CLIC5: variants seen among roughly 807,000 people sequenced by gnomAD.
CLIC5 encodes the protein CLIC family member 5, also known as chloride intracellular channel protein 5.
CLIC5 carries 20 observed loss-of-function variants against 24.7 expected under a neutral mutation model. The observed-to-expected ratio is 0.81, with a 90% confidence interval of 0.57 to 1.18. CLIC5 has a LOEUF of 1.18. Among genes scored for constraint, CLIC5 ranks in the 50% most tolerant of loss-of-function variants. The pLI, the probability that CLIC5 is intolerant of heterozygous loss-of-function variation, is 0.00. For synonymous variants in CLIC5, 159 were observed against 135.6 expected, an observed-to-expected ratio of 1.17 and a Z score of -1.20; for missense variants, 341 against 326.1, an observed-to-expected ratio of 1.05 and a Z score of -0.35.
chr6:46,001,169 A>C (rs549383667), intron 1 of CLIC5, among the ~76,000 whole-genome samples: 1 of 152,116 alleles, frequency 6.6e-6, no homozygotes, highest in East Asian at 1.9e-4. Context: ...TGGGAGAGGA[A>C]CCAGAAGAGA....
At chr6:45,914,756 C>G (rs1240463914) in intron 4 of CLIC5, among the ~76,000 whole-genome samples, 2 of 151,712 alleles carry the variant, frequency 1.3e-5, no homozygotes, top group Non-Finnish European at 2.9e-5. Flanking sequence ...ATCGAAACCA[C>G]CCTAGCCAAT....
At chr6:46,038,088 C>T (rs1300386237) in intron 1 of CLIC5, among the ~76,000 whole-genome samples, 2 of 152,060 alleles carry the variant, frequency 1.3e-5, no homozygotes, top group Non-Finnish European at 2.9e-5. Context: ...GGCCCAGTCC[C>T]TCTGGTAGCT....
chr6:45,985,790 G>C (rs1765714825), intron 1 of CLIC5, among the ~76,000 whole-genome samples: 1 of 152,000 alleles, frequency 6.6e-6, no homozygotes, highest in Admixed American at 6.6e-5. Flanking sequence ...CTAAGTAAAG[G>C]GTCCTTGTAG....
chr6:46,017,977 T>C (rs1012283462), upstream of CLIC5, among the ~76,000 whole-genome samples: 1 of 152,208 alleles, frequency 6.6e-6, no homozygotes, highest in Non-Finnish European at 1.5e-5. Context: ...GTTTAATTGC[T>C]TTCCTCCTGC....
intron 4 of CLIC5, among the ~76,000 whole-genome samples, chr6:45,917,516 G>A (rs977268315): frequency 6.6e-5 from 10 of 152,132 alleles, no homozygotes; most frequent in Admixed American, 4.6e-4. Context: ...CTGGAGATTT[G>A]CTTCCCTTAC....
intron 1 of CLIC5, among the ~76,000 whole-genome samples, chr6:46,073,182 C>A (rs1562037612): frequency 6.6e-6 from 1 of 152,120 alleles, no homozygotes; most frequent in Non-Finnish European, 1.5e-5. Flanking sequence ...TAAAACTGGG[C>A]CTTGATTGTG....
intron 5 of CLIC5, chr6:45,913,680 C>T (rs1762903264): frequency 1.3e-6 from 1 of 757,480 alleles, no homozygotes; most frequent in Non-Finnish European, 1.8e-6. Flanking sequence ...CTACATGCTG[C>T]AAATGGTTAG....
chr6:46,081,575 T>A (rs1161813486), upstream of CLIC5, among the ~76,000 whole-genome samples: 3 of 152,220 alleles, frequency 2.0e-5, no homozygotes, highest in Non-Finnish European at 4.4e-5. Flanking sequence ...GACATTTATC[T>A]TATTGAAAAG....
At chr6:46,095,825 T>A in the CLIC5 span, among the ~76,000 whole-genome samples, 2 of 152,144 alleles carry the variant, frequency 1.3e-5, no homozygotes, top group African/African-American at 2.4e-5. Flanking sequence ...TCAGATATCT[T>A]TATCCCAACC....
chr6:46,058,327 C>T (rs1329792346), intron 1 of CLIC5, among the ~76,000 whole-genome samples: 1 of 152,176 alleles, frequency 6.6e-6, no homozygotes, highest in African/African-American at 2.4e-5. Flanking sequence ...TTCAGTTAAG[C>T]ACTTCACTCT....
chr6:45,956,856 G>T (rs1240194570), intron 1 of CLIC5, among the ~76,000 whole-genome samples: 1 of 152,180 alleles, frequency 6.6e-6, no homozygotes, highest in Admixed American at 6.5e-5. Context: ...AAATGGGAAA[G>T]GTAGGAGGGT....
intron 3 of CLIC5, among the ~76,000 whole-genome samples, chr6:45,948,688 C>G (rs1764366460): frequency 6.6e-6 from 1 of 152,118 alleles, no homozygotes; most frequent in African/African-American, 2.4e-5. Context: ...CAATGTGTCA[C>G]CCAACAAGAA....
chr6:45,975,970 A>G (rs550164509), intron 1 of CLIC5, among the ~76,000 whole-genome samples: 3 of 152,310 alleles, frequency 2.0e-5, no homozygotes, highest in Admixed American at 2.0e-4. Flanking sequence ...TGGAAAAAAA[A>G]CCACCAGACT....
At chr6:45,896,684 A>T (rs1455929799), downstream of CLIC5, among the ~76,000 whole-genome samples, 3 of 152,200 alleles carry the variant, frequency 2.0e-5, no homozygotes, top group African/African-American at 4.8e-5. Context: ...CTTCTCTGGA[A>T]GCTTCTCTGG....
intron 1 of CLIC5, among the ~76,000 whole-genome samples, chr6:45,986,711 G>A (rs965762991): frequency 6.6e-6 from 1 of 152,202 alleles, no homozygotes; most frequent in South Asian, 2.1e-4. Flanking sequence ...AGTCCTGTTT[G>A]GTTTTCAGAG....
the CLIC5 span, among the ~76,000 whole-genome samples, chr6:46,124,381 T>A: frequency 6.6e-6 from 1 of 152,218 alleles, no homozygotes; most frequent in Non-Finnish European, 1.5e-5. Context: ...GCCAGCCATA[T>A]GTAGAAAGCT....
intron 1 of CLIC5, among the ~76,000 whole-genome samples, chr6:46,045,264 C>A (rs1767923085): frequency 6.6e-6 from 1 of 152,166 alleles, no homozygotes; most frequent in Non-Finnish European, 1.5e-5. Context: ...CCGCATCTTG[C>A]ATTTTCAGAA....
At chr6:45,996,762 A>G (rs1195711748) in intron 1 of CLIC5, among the ~76,000 whole-genome samples, 1 of 152,086 alleles carries the variant, frequency 6.6e-6, no homozygotes, top group Non-Finnish European at 1.5e-5. Context: ...AATGCTCATC[A>G]TCACTGGCCA....
the CLIC5 span, among the ~76,000 whole-genome samples, chr6:46,111,507 G>A: frequency 9.1e-4 from 138 of 152,184 alleles, 1 homozygote; most frequent in Non-Finnish European, 1.3e-3. Flanking sequence ...TCCTGAAATG[G>A]GACACAGCTA....
Sources: allele counts gnomAD v4.1 joint callset (sites outside exome capture counted in the v4.1 genomes callset), GRCh38; gene constraint gnomAD v4.1.1; transcripts MANE v1.5; gene names NCBI Gene and HGNC (gene_info 2026-07-23, HGNC 2026-07-21).